Variants in ST8SIA6 observed in about 807,000 individuals in gnomAD.
ST8SIA6 encodes ST8 alpha-N-acetyl-neuraminide alpha-2,8-sialyltransferase 6.
A neutral mutation model predicts 33.6 loss-of-function variants in ST8SIA6; 39 were observed. The observed-to-expected ratio is 1.16, with a 90% CI of 0.90 to 1.52. ST8SIA6 has a LOEUF of 1.52. Ranked by LOEUF, ST8SIA6 falls within the 40% of genes most tolerant of loss-of-function variation. The pLI is 0.00. For synonymous variants in ST8SIA6, 172 were observed against 167.2 expected (o/e 1.03, Z -0.22); for missense variants, 441 against 443.8 (o/e 0.99, Z 0.06).
intron 6 of ST8SIA6, among the ~76,000 whole-genome samples, chr10:17,325,451 T>C (rs9664375): frequency 2.5e-5 from 2 of 78,810 alleles, no homozygotes; most frequent in African/African-American, 1.1e-4. Flanking sequence ...GATTATATAT[T>C]TTACTACTAC....
rs938108049 is a variant in ST8SIA6 at position 17,318,772 on chromosome 10, A to G, written c.*2106T>C. 12 of 466,988 alleles carry G rather than the reference A, an allele frequency of 2.6e-5. No homozygotes were observed. Among genetic ancestry groups the G allele is most frequent in the Non-Finnish European group, 4.4e-5 (10 of 226,346 alleles). The allele number at this position is 466,988 out of a possible 1,614,324, so 28.9% of individuals were successfully genotyped here. On this transcript the variant is annotated 3_prime_UTR_variant, in exon 8 of 8. Transcript: ENST00000377602. ...TTGCAATGATTCACCAATACAGAAC[A>G]AAAAGAACTGTGACTTACGTTTTAC...
At chr10:17,447,599 A>C (rs188543222) in intron 2 of ST8SIA6, among the ~76,000 whole-genome samples, 302 of 152,288 alleles carry the variant, frequency 2.0e-3, no homozygotes, top group African/African-American at 6.5e-3. Context: ...AAAGAACTGA[A>C]GAAATGAGGA....
intron 4 of ST8SIA6, among the ~76,000 whole-genome samples, chr10:17,344,094 C>A (rs1403645103): frequency 6.6e-6 from 1 of 152,198 alleles, no homozygotes; most frequent in Non-Finnish European, 1.5e-5. Context: ...CACAGGCAGT[C>A]TAGTCTTAAT....
chr10:17,329,981 G>C (rs1848244852), intron 5 of ST8SIA6, among the ~76,000 whole-genome samples: 1 of 152,074 alleles, frequency 6.6e-6, no homozygotes, highest in African/African-American at 2.4e-5. Context: ...AGTTCGTCCT[G>C]GAGAGTTTCA....
intron 2 of ST8SIA6, among the ~76,000 whole-genome samples, chr10:17,391,387 G>A (rs1365825990): frequency 6.6e-6 from 1 of 151,682 alleles, no homozygotes. Flanking sequence ...TCAGCCTCCC[G>A]AGTGGTGGGA....
At chr10:17,324,708 T>C (rs199599049) in intron 6 of ST8SIA6, among the ~76,000 whole-genome samples, 15 of 140,024 alleles carry the variant, frequency 1.1e-4, no homozygotes, top group East Asian at 2.1e-4. Context: ...ATATAGAGTA[T>C]ACACACACAC....
Position 17,323,229 on chromosome 10 carries a change from G to GCACGCA in ST8SIA6, c.636-73_636-72insTGCGTG, listed in dbSNP as rs1554783535. On this transcript the variant is annotated intron_variant, in intron 6 of 7. Coordinates refer to ENST00000377602, the MANE Select transcript of ST8SIA6 (RefSeq NM_001004470.3). The stretch of plus-strand genomic sequence containing the variant: ...AAAGATTGTATACACACATATGCGC[G>GCACGCA]CACACACACACACACACACACCTAT... 1.3e-5 allele frequency: 10 copies of GCACGCA among 794,428 alleles called. No individual in the cohort carries two copies. In the African/African-American group the frequency reaches 1.6e-4, roughly 13 times the overall value. 49.2% of individuals were successfully genotyped at this position (794,428 alleles called of 1,614,324 possible). A position where few individuals can be genotyped will look rare whatever the true frequency, so the allele number is the denominator to read the frequency against.
intron 2 of ST8SIA6, among the ~76,000 whole-genome samples, chr10:17,441,730 TAA>T (rs1333634795): frequency 6.6e-6 from 1 of 152,202 alleles, no homozygotes; most frequent in African/African-American, 2.4e-5. Context: ...TTAATTTAAT[TAA>T]GTTTCATTTG....
chr10:17,368,121 C>G (rs909491388), intron 3 of ST8SIA6, among the ~76,000 whole-genome samples: 1 of 151,572 alleles, frequency 6.6e-6, no homozygotes, highest in Admixed American at 6.6e-5. Flanking sequence ...CTCCGCCAGG[C>G]GCAGTGGCTC....
rs1470770250 is a variant in ST8SIA6 at position 17,454,208 on chromosome 10, C to T, written c.48G>A (p.Leu16=). Residue 16 remains leucine, a synonymous_variant, in exon 1 of 8, where the codon CTG becomes CTA. Transcript: ENST00000377602. This position sits in a 1 kb window ranked among gnomAD's most constrained non-coding sequence, Gnocchi z 4.1. ...ALLALLASLL[L]LLLLRLLWCP... ...ACCAGAGCAGGCGCAGCAGCAGCAG[C>T]AGCAGCAGGCTGGCGAGCAGGGCGA... The T allele has an allele frequency of 3.6e-6, 1 of 278,398 alleles. No homozygotes were observed. The highest frequency in any genetic ancestry group is 1.3e-4 in the South Asian group (1 of 7,908). The allele number at this position is 278,398 out of a possible 1,614,324, so 17.2% of individuals were successfully genotyped here.
intron 2 of ST8SIA6, among the ~76,000 whole-genome samples, chr10:17,446,170 A>C (rs949715885): frequency 1.3e-5 from 2 of 152,212 alleles, no homozygotes; most frequent in African/African-American, 4.8e-5. Flanking sequence ...AAGTCCTCCA[A>C]TCTGATAAGC....
At chr10:17,434,300 C>T (rs976251022) in intron 2 of ST8SIA6, among the ~76,000 whole-genome samples, 2 of 152,178 alleles carry the variant, frequency 1.3e-5, no homozygotes, top group Admixed American at 6.5e-5. Context: ...ACAAACACTG[C>T]AGATCTGGAC....
chr10:17,395,113 A>G (rs967755473), intron 2 of ST8SIA6, among the ~76,000 whole-genome samples: 3 of 152,168 alleles, frequency 2.0e-5, no homozygotes, highest in African/African-American at 7.2e-5. Context: ...ATGGTAGTGA[A>G]TAAGTCTGAT....
intron 7 of ST8SIA6, 66 bp downstream of exon 7, chr10:17,322,999 A>C: frequency 7.0e-7 from 1 of 1,435,532 alleles, no homozygotes; most frequent in Non-Finnish European, 9.7e-7. Context: ...TTAGTGCTTA[A>C]GCTGAGAAAC....
intron 3 of ST8SIA6, among the ~76,000 whole-genome samples, chr10:17,380,182 A>G (rs430990): frequency 0.32 from 48,853 of 152,010 alleles, 8,543 homozygotes; most frequent in East Asian, 0.66. Flanking sequence ...CCTTGAGCTC[A>G]CTTCCAACAG....
At chr10:17,384,233 G>C (rs1379162969) in intron 3 of ST8SIA6, among the ~76,000 whole-genome samples, 1 of 150,442 alleles carries the variant, frequency 6.6e-6, no homozygotes, top group African/African-American at 2.4e-5. Flanking sequence ...GACAGGCACA[G>C]TACCCCCAGG....
chr10:17,445,044 T>C (rs17446182), intron 2 of ST8SIA6, among the ~76,000 whole-genome samples: 1,921 of 152,266 alleles, frequency 0.013, 21 homozygotes, highest in Non-Finnish European at 0.021. Context: ...TAAAATCTAA[T>C]AGCCTTCATC....
intron 2 of ST8SIA6, among the ~76,000 whole-genome samples, chr10:17,441,978 C>G (rs1852514403): frequency 6.6e-6 from 1 of 151,818 alleles, no homozygotes; most frequent in East Asian, 1.9e-4. Context: ...AAGCGATTCT[C>G]TTGCCTCAGC....
At chr10:17,359,408 C>T (rs1430140791) in intron 4 of ST8SIA6, 106 bp downstream of exon 4, 21 of 779,918 alleles carry the variant, frequency 2.7e-5, no homozygotes, top group Non-Finnish European at 4.3e-5. Context: ...TCATTGCCAG[C>T]TGGGGTTGGT....
Sources: gnomAD v4.1 joint callset for allele counts (sites outside exome capture counted in the v4.1 genomes callset) on GRCh38, gnomAD v4.1.1 for gene constraint, Gnocchi (gnomAD v3.1) non-coding constraint, MANE v1.5 for transcripts, NCBI Gene and HGNC (gene_info 2026-07-23, HGNC 2026-07-21) for gene names.